MAML3: variants seen among roughly 807,000 people sequenced by gnomAD.
The protein encoded by MAML3 is mastermind-like protein 3.
Under a neutral mutation model 101.9 loss-of-function variants are expected in MAML3, and 27 were observed. The ratio of observed to expected loss-of-function variants is 0.27; its 90% confidence interval spans 0.20 to 0.37. The LOEUF is 0.37. MAML3 is among the 10% of genes least tolerant of loss of function. The pLI, the probability that MAML3 is intolerant of heterozygous loss-of-function variation, is 1.00. For missense variants in MAML3, 1,316 were observed against 1,444.9 expected (o/e 0.91, Z 1.45); for synonymous variants, 501 against 555.9 (o/e 0.90, Z 1.39).
intron 2 of MAML3, among the ~76,000 whole-genome samples, chr4:139,773,701 A>C (rs1730039460): frequency 6.6e-6 from 1 of 152,218 alleles, no homozygotes; most frequent in Non-Finnish European, 1.5e-5. Flanking sequence ...AATTCAGATA[A>C]ACAGGAGAGT....
Position 139,717,451 on chromosome 4 carries a change from G to A in MAML3, c.*1872C>T, listed in dbSNP as rs1728025316. The A allele has an allele frequency of 6.6e-6, 1 of 152,262 alleles. No homozygotes were observed. The highest frequency in any genetic ancestry group is 1.5e-5 in the Non-Finnish European group (1 of 68,074). The allele number at this position is 152,262 out of a possible 1,614,324, so 9.4% of individuals were successfully genotyped here. A position where few individuals can be genotyped will look rare whatever the true frequency, so the allele number is the denominator to read the frequency against. On this transcript the variant is annotated 3_prime_UTR_variant, in exon 5 of 5. Coordinates refer to ENST00000509479, the MANE Select transcript of MAML3 (RefSeq NM_018717.5). ...CATCACTCCCCATTTGGGGAGTTCAGGGTCACCCTGCTGCCACCTCTTCGG... is the reference window on the plus strand; with the variant it reads ...CATCACTCCCCATTTGGGGAGTTCAAGGTCACCCTGCTGCCACCTCTTCGG...
At chr4:140,026,589 G>A (rs181294116) in intron 1 of MAML3, among the ~76,000 whole-genome samples, 110 of 152,216 alleles carry the variant, frequency 7.2e-4, no homozygotes, top group Non-Finnish European at 1.0e-3. Flanking sequence ...AAACCTTTAC[G>A]ACAGAAAGAA....
intron 2 of MAML3, among the ~76,000 whole-genome samples, chr4:139,834,262 G>A (rs954984702): frequency 3.3e-5 from 5 of 152,216 alleles, no homozygotes; most frequent in African/African-American, 1.2e-4. Flanking sequence ...TGATATAGTG[G>A]TGTGCTACTG....
intron 1 of MAML3, among the ~76,000 whole-genome samples, chr4:139,930,336 C>T (rs1218913604): frequency 6.6e-6 from 1 of 152,054 alleles, no homozygotes; most frequent in East Asian, 1.9e-4. Context: ...AGTTTGTGAG[C>T]AGAGTTCACA....
rs202006002 is a variant in MAML3 at position 139,950,050 on chromosome 4, A to AT, written c.469-59084dup. On this transcript the variant is annotated intron_variant, in intron 1 of 4. Transcript: ENST00000509479. ...TGGACTCAAGACTGCAATATTAACG[A>AT]TTTTTTTTTGGAGACAGTCTTGATC... Among the ~76,000 whole-genome samples, 350 of 151,334 alleles carry AT rather than the reference A, an allele frequency of 2.3e-3. 1 individual carries two copies. The highest frequency in any genetic ancestry group is 8.0e-3 in the African/African-American group (331 of 41,248).
chr4:140,081,866 A>G (rs775198279), intron 1 of MAML3, among the ~76,000 whole-genome samples: 3 of 152,110 alleles, frequency 2.0e-5, no homozygotes, highest in South Asian at 2.1e-4. Flanking sequence ...TTCTTTTTCT[A>G]TTAGGTTTAT....
At chr4:140,044,374 T>C (rs1219286261) in intron 1 of MAML3, among the ~76,000 whole-genome samples, 2 of 152,216 alleles carry the variant, frequency 1.3e-5, no homozygotes, top group Admixed American at 1.3e-4. Context: ...AATTGTTTTG[T>C]ATTATTGTGG....
At chr4:140,146,116 A>G (rs893684782) in intron 1 of MAML3, among the ~76,000 whole-genome samples, 8 of 148,918 alleles carry the variant, frequency 5.4e-5, no homozygotes, top group Non-Finnish European at 1.0e-4. Flanking sequence ...CAACTGATCT[A>G]CCGGTCTCGG....
chr4:140,152,433 G>T (rs1310525590), intron 1 of MAML3, among the ~76,000 whole-genome samples: 1 of 152,174 alleles, frequency 6.6e-6, no homozygotes, highest in African/African-American at 2.4e-5. Flanking sequence ...GGTGGGCGTA[G>T]GGGGACGGGT....
intron 1 of MAML3, among the ~76,000 whole-genome samples, chr4:139,895,566 T>G (rs1204788159): frequency 6.6e-6 from 1 of 152,166 alleles, no homozygotes; most frequent in African/African-American, 2.4e-5. Context: ...AGTCTTAGCT[T>G]TACCATTTTC....
At chr4:139,733,877 G>A (rs79170878) in intron 2 of MAML3, among the ~76,000 whole-genome samples, 3,224 of 152,186 alleles carry the variant, frequency 0.021, 47 homozygotes, top group Non-Finnish European at 0.032. Flanking sequence ...TGTATAGATG[G>A]GTTGTTGCCC....
At chr4:140,120,352 A>G (rs1235209104) in intron 1 of MAML3, among the ~76,000 whole-genome samples, 1 of 152,226 alleles carries the variant, frequency 6.6e-6, no homozygotes, top group Non-Finnish European at 1.5e-5. Context: ...GATACCATAT[A>G]CAAAAAGCTA....
chr4:140,062,136 T>C lies in MAML3; in HGVS notation c.468+90724A>G, dbSNP rs557697444. ...CATCACTGTGGACAGCAATCTCTCT[T>C]CTGGATAGTTCAAAGTTTCCCTCCT... On this transcript the variant is annotated intron_variant, in intron 1 of 4. Transcript: ENST00000509479. Among the ~76,000 whole-genome samples the C allele has an allele frequency of 3.4e-4, 52 of 152,334 alleles. 1 individual carries two copies. The Middle Eastern group carries it at 0.01, about 30-fold the overall frequency.
intron 1 of MAML3, among the ~76,000 whole-genome samples, chr4:139,970,762 A>T (rs1734222208): frequency 6.6e-6 from 1 of 152,166 alleles, no homozygotes; most frequent in South Asian, 2.1e-4. Flanking sequence ...AGCAGCTCCC[A>T]TTGAATTTTC....
chr4:139,974,657 G>A (rs1408598446), intron 1 of MAML3, among the ~76,000 whole-genome samples: 1 of 152,086 alleles, frequency 6.6e-6, no homozygotes, highest in Non-Finnish European at 1.5e-5. Flanking sequence ...TAGGTCTCAA[G>A]TTCTATAAAC....
At chr4:139,962,890 GCTT>G (rs1734046704) in intron 1 of MAML3, among the ~76,000 whole-genome samples, 1 of 149,710 alleles carries the variant, frequency 6.7e-6, no homozygotes, top group Non-Finnish European at 1.5e-5. Context: ...ATGCCTTGGT[GCTT>G]CTTTTTTTTA....
intron 1 of MAML3, among the ~76,000 whole-genome samples, chr4:139,994,982 C>A (rs1734776097): frequency 6.6e-6 from 1 of 152,108 alleles, no homozygotes; most frequent in African/African-American, 2.4e-5. Flanking sequence ...AGTGGGAAAC[C>A]ATATCATCTT....
intron 2 of MAML3, among the ~76,000 whole-genome samples, chr4:139,772,132 G>C (rs1285079773): frequency 2.7e-5 from 4 of 148,828 alleles, no homozygotes; most frequent in Admixed American, 6.7e-5. Flanking sequence ...TCCAGCTACT[G>C]GGGAAGCTGA....
At chr4:139,962,048 A>G (rs1487874742) in intron 1 of MAML3, among the ~76,000 whole-genome samples, 1 of 151,580 alleles carries the variant, frequency 6.6e-6, no homozygotes, top group Non-Finnish European at 1.5e-5. Flanking sequence ...GCTTGAGCCC[A>G]GGAGGTCAAG....
Sources: gnomAD v4.1 joint callset for allele counts (sites outside exome capture counted in the v4.1 genomes callset) on GRCh38, gnomAD v4.1.1 for gene constraint, MANE v1.5 for transcripts, NCBI Gene and HGNC (gene_info 2026-07-23, HGNC 2026-07-21) for gene names.